The following ZDHHC17 variants were observed in gnomAD, a reference collection of about 807,000 sequenced individuals.
The protein encoded by ZDHHC17 is palmitoyltransferase ZDHHC17.
ZDHHC17 carries 40 observed loss-of-function variants against 90.3 expected under a neutral mutation model. The observed-to-expected ratio is 0.44, with a 90% CI of 0.34 to 0.58. The LOEUF (loss-of-function observed/expected upper bound fraction) is 0.58. ZDHHC17 is among the 20% of genes least tolerant of loss of function. ZDHHC17 has a pLI of 0.01. For missense variants in ZDHHC17, 614 were observed against 780.8 expected (o/e 0.79, Z 2.55); for synonymous variants, 235 against 252.4 (o/e 0.93, Z 0.65).
At chr12:76,804,104 C>T (rs1952926017) in intron 2 of ZDHHC17, among the ~76,000 whole-genome samples, 1 of 152,142 alleles carries the variant, frequency 6.6e-6, no homozygotes, top group African/African-American at 2.4e-5. Flanking sequence ...GCAGAGAATG[C>T]TGGAATTGAT....
Position 76,826,889 on chromosome 12 carries a change from A to G in ZDHHC17, c.898-19A>G. The G allele has an allele frequency of 6.7e-7, 1 of 1,502,558 alleles. No homozygotes were observed. The highest frequency in any genetic ancestry group is 8.8e-7 in the Non-Finnish European group (1 of 1,135,136). The allele number at this position is 1,502,558 out of a possible 1,614,324, so 93.1% of individuals were successfully genotyped here. On this transcript the variant is annotated intron_variant, in intron 8 of 16. Coordinates refer to ENST00000426126, the MANE Select transcript of ZDHHC17 (RefSeq NM_015336.4). The stretch of plus-strand genomic sequence containing the variant: ...CTTGAAACATGCAAAAACTTTTCTA[A>G]TTTTTTGTTTCTATACAGGAATTTC...
rs369012122 is a variant in ZDHHC17, at chr12:76,822,408, C to T, written c.774C>T (p.Gly258=). Reference sequence around the variant, plus strand: ...ATTTCTTCTGTTTATATTATCAGGGCGAATCAGCGCTTGATTTGGCAAAAC... The same window carrying T: ...ATTTCTTCTGTTTATATTATCAGGGTGAATCAGCGCTTGATTTGGCAAAAC... ...GANVDAQNIK[G]ESALDLAKQR... The change falls in exon 8 of 17, where the codon GGC becomes GGT. Residue 258 remains glycine, a splice_region_variant and synonymous_variant. Transcript: ENST00000426126. The T allele has an allele frequency of 8.1e-5, 130 of 1,613,084 alleles. No homozygotes were observed. Among genetic ancestry groups the T allele is most frequent in the Middle Eastern group, 3.3e-4 (2 of 6,058 alleles).
At chr12:76,815,123 T>C in intron 5 of ZDHHC17, 23 bp from the exon 6 acceptor site, 1 of 1,520,350 alleles carries the variant, frequency 6.6e-7, no homozygotes, top group Non-Finnish European at 8.8e-7. Flanking sequence ...ACTGTCTGAC[T>C]TTTTTTCTTT....
intron 10 of ZDHHC17, among the ~76,000 whole-genome samples, chr12:76,836,666 C>A (rs1953367184): frequency 6.6e-6 from 1 of 152,146 alleles, no homozygotes; most frequent in Admixed American, 6.5e-5. Flanking sequence ...GCTACCTCAG[C>A]TGCATTCCAT....
chr12:76,788,311 C>CT (rs1952715819), intron 1 of ZDHHC17, among the ~76,000 whole-genome samples: 4 of 152,308 alleles, frequency 2.6e-5, no homozygotes, highest in African/African-American at 9.6e-5. Context: ...CTTGGACACA[C>CT]TTATCTTTCA....
At chr12:76,786,461 G>A (rs1227625716) in intron 1 of ZDHHC17, among the ~76,000 whole-genome samples, 1 of 152,020 alleles carries the variant, frequency 6.6e-6, no homozygotes, top group Non-Finnish European at 1.5e-5. Flanking sequence ...TTACCATGTT[G>A]GTCACACTGG....
chr12:76,776,233 T>C (rs1348215947), intron 1 of ZDHHC17, among the ~76,000 whole-genome samples: 1 of 152,174 alleles, frequency 6.6e-6, no homozygotes, highest in East Asian at 1.9e-4. Context: ...TGTTGAATAA[T>C]GTATAAATTT....
chr12:76,817,064 G>A (rs1305828447), intron 7 of ZDHHC17, among the ~76,000 whole-genome samples: 1 of 152,072 alleles, frequency 6.6e-6, no homozygotes, highest in Non-Finnish European at 1.5e-5. Flanking sequence ...TACTGACTGA[G>A]TAAATGAAGA....
At position 76,851,127 on chromosome 12, in the gene ZDHHC17, T is replaced by C. The variant is rs777662907; in HGVS notation, c.*142T>C. On this transcript the variant is annotated 3_prime_UTR_variant, in exon 17 of 17. Transcript: ENST00000426126. ...AATGGTGAATTTTACAGTCTTTTTT[T>C]CAACACTTTTATTAACAAAAGTAAA... 3.2e-5 allele frequency: 31 copies of C among 973,944 alleles called. No individual in the cohort carries two copies. The highest frequency in any genetic ancestry group is 5.8e-5 in the East Asian group (2 of 34,434). The allele number at this position is 973,944 out of a possible 1,614,324, so 60.3% of individuals were successfully genotyped here.
At position 76,848,286 on chromosome 12, in the gene ZDHHC17, A is replaced by G. The variant is rs1207999558; in HGVS notation, c.1561A>G (p.Ile521Val). Residue 521 changes from isoleucine (I) to valine (V), a missense_variant, in exon 15 of 17, where the codon ATT (isoleucine) becomes GTT (valine). Physicochemically the swap from Ile to Val is conservative, Grantham distance 29. Coordinates refer to ENST00000426126, the MANE Select transcript of ZDHHC17 (RefSeq NM_015336.4). ...TYTKDGFWTY[I>V]TQIATCSPWM... Reference sequence around the variant, plus strand: ...CACCAAGGATGGATTTTGGACATACATTACTCAGATTGCCACGTGTTCACC... The same window carrying G: ...CACCAAGGATGGATTTTGGACATACGTTACTCAGATTGCCACGTGTTCACC... 1.9e-6 allele frequency: 3 copies of G among 1,613,832 alleles called. No homozygotes were observed. Among genetic ancestry groups the G allele is most frequent in the South Asian group, 1.1e-5 (1 of 91,084 alleles).
intron 2 of ZDHHC17, among the ~76,000 whole-genome samples, chr12:76,798,374 G>T (rs1428118746): frequency 6.6e-6 from 1 of 152,082 alleles, no homozygotes; most frequent in Non-Finnish European, 1.5e-5. Context: ...ATTTTCATCT[G>T]CAAAGAGGAG....
At chr12:76,842,497 T>C (rs1003709066) in intron 11 of ZDHHC17, among the ~76,000 whole-genome samples, 1 of 152,214 alleles carries the variant, frequency 6.6e-6, no homozygotes, top group Non-Finnish European at 1.5e-5. Context: ...CTAAAATATT[T>C]GTATATACCA....
chr12:76,780,934 T>G (rs939501429), intron 1 of ZDHHC17, among the ~76,000 whole-genome samples: 1 of 151,492 alleles, frequency 6.6e-6, no homozygotes, highest in East Asian at 1.9e-4. Flanking sequence ...ATCCTCATCC[T>G]GGCTAACACA....
At chr12:76,775,258 A>ATCATCAAAACTTGTGGAATGTGTG (rs1952545819) in intron 1 of ZDHHC17, among the ~76,000 whole-genome samples, 1 of 152,222 alleles carries the variant, frequency 6.6e-6, no homozygotes, top group African/African-American at 2.4e-5. Context: ...GATCAAGAAA[A>ATCATCAAAACTTGTGGAATGTGTG]TCATCAAAAC....
intron 8 of ZDHHC17, among the ~76,000 whole-genome samples, chr12:76,825,226 C>T (rs1953216528): frequency 6.6e-6 from 1 of 151,994 alleles, no homozygotes; most frequent in African/African-American, 2.4e-5. Flanking sequence ...CATTGGGGGA[C>T]AAAGGATATT....
At chr12:76,825,639 ATT>A (rs1300679613) in intron 8 of ZDHHC17, among the ~76,000 whole-genome samples, 1 of 151,814 alleles carries the variant, frequency 6.6e-6, no homozygotes, top group East Asian at 1.9e-4. Context: ...CAGAAAATGA[ATT>A]ACAGTGGTCA....
chr12:76,801,072 G>C (rs1268608819), intron 2 of ZDHHC17, among the ~76,000 whole-genome samples: 7 of 151,280 alleles, frequency 4.6e-5, no homozygotes, highest in Non-Finnish European at 1.0e-4. Context: ...ATTTTTAGTA[G>C]AGACGGGGTT....
At chr12:76,826,544 T>C (rs372653780) in intron 8 of ZDHHC17, among the ~76,000 whole-genome samples, 29 of 152,338 alleles carry the variant, frequency 1.9e-4, no homozygotes, top group African/African-American at 5.5e-4. Context: ...TTAGTCATTC[T>C]AGTTGTCCTT....
intron 3 of ZDHHC17, among the ~76,000 whole-genome samples, chr12:76,805,868 A>G (rs931425156): frequency 2.0e-5 from 3 of 152,204 alleles, no homozygotes; most frequent in African/African-American, 7.2e-5. Flanking sequence ...AGCAAAAGGA[A>G]AGTTGAAATG....
Sources: allele counts gnomAD v4.1 joint callset (sites outside exome capture counted in the v4.1 genomes callset), GRCh38; gene constraint gnomAD v4.1.1; transcripts MANE v1.5; gene names NCBI Gene and HGNC (gene_info 2026-07-23, HGNC 2026-07-21).